The following MAST2 variants were observed in gnomAD, a reference collection of about 807,000 sequenced individuals.
MAST2 encodes microtubule-associated serine/threonine-protein kinase 2.
Under a neutral mutation model 147.4 loss-of-function variants are expected in MAST2, and 70 were observed. That is an observed-to-expected ratio of 0.47 (90% CI 0.39 to 0.58). The LOEUF (loss-of-function observed/expected upper bound fraction) is 0.58. MAST2 is among the 20% of genes least tolerant of loss of function. The pLI is 0.00. For synonymous variants in MAST2, 869 were observed against 896.8 expected (o/e 0.97, Z 0.55); for missense variants, 2,080 against 2,302.3 (o/e 0.90, Z 1.98).
intron 3 of MAST2, among the ~76,000 whole-genome samples, chr1:45,854,556 A>G (rs58618970): frequency 0.033 from 5,036 of 152,206 alleles, 279 homozygotes; most frequent in African/African-American, 0.11. Flanking sequence ...TAAATTTTAG[A>G]ATAAGCTTTT....
intron 1 of MAST2, among the ~76,000 whole-genome samples, chr1:45,819,185 A>G (rs1570212611): frequency 6.6e-6 from 1 of 151,758 alleles, no homozygotes; most frequent in East Asian, 1.9e-4. Context: ...CCCAGGAGGC[A>G]GAGGTTGCAG....
intron 5 of MAST2, among the ~76,000 whole-genome samples, chr1:45,985,809 T>G (rs1417618140): frequency 6.6e-6 from 1 of 152,260 alleles, no homozygotes; most frequent in Non-Finnish European, 1.5e-5. Context: ...TTTTCTGAAG[T>G]TCTTATGCCT....
At position 46,035,196 on chromosome 1, in the gene MAST2, G is replaced by A; in HGVS notation, c.4527G>A (p.Glu1509=). ...REVDSSEDDT[E]EGPENSQGAQ... is the part of the protein sequence containing the mutation. ...TGGACTCCTCAGAGGACGACACCGA[G>A]GAAGGGCCTGAGAACAGCCAGGGTG... The change falls in exon 29 of 29, where the codon GAG becomes GAA. Residue 1509 remains glutamate, a synonymous_variant. Coordinates refer to ENST00000361297, the MANE Select transcript of MAST2 (RefSeq NM_015112.3). This position sits in a 1 kb window ranked among gnomAD's most constrained non-coding sequence, Gnocchi z 5.5. 6.2e-7 allele frequency: 1 copy of A among 1,614,064 alleles called. No homozygotes were observed. The highest frequency in any genetic ancestry group is 8.5e-7 in the Non-Finnish European group (1 of 1,180,026).
At chr1:45,905,898 C>A (rs1017226110) in intron 4 of MAST2, among the ~76,000 whole-genome samples, 5 of 152,030 alleles carry the variant, frequency 3.3e-5, no homozygotes, top group Non-Finnish European at 7.4e-5. Flanking sequence ...AATGTTTATA[C>A]TGTTGTACTT....
chr1:46,005,316 C>A (rs553608626), intron 7 of MAST2, among the ~76,000 whole-genome samples: 1 of 150,746 alleles, frequency 6.6e-6, no homozygotes, highest in Non-Finnish European at 1.5e-5. Context: ...GAGCCAAGAT[C>A]GTGCCATTGC....
rs749719560 is a variant in MAST2, at chr1:46,002,832, C to G, written c.696C>G (p.Ala232=). ...CTGATGGGCGGCGCTGGTCTTTGGC[C>G]TCTTTGCCCTCTTCAGGATATGGAA... ...RRTDGRRWSL[A]SLPSSGYGTN... Residue 232 remains alanine (A), a synonymous_variant, in exon 7 of 29, where the codon GCC becomes GCG. Transcript: ENST00000361297. The G allele has an allele frequency of 5.0e-6, 8 of 1,614,180 alleles. No homozygotes were observed.
Position 46,025,747 on chromosome 1 carries a change from G to T in MAST2, c.1851G>T (p.Ala617=). ...LPVDMVRLYF[A]ETVLALEYLH... is the part of the protein sequence containing the mutation. ...TGGACATGGTGCGTCTATACTTTGC[G>T]GAAACTGTGCTGGCCCTGGAGTACT... The change falls in exon 16 of 29, where the codon GCG becomes GCT. Residue 617 remains alanine, a synonymous_variant. Coordinates refer to ENST00000361297, the MANE Select transcript of MAST2 (RefSeq NM_015112.3). 6.2e-7 allele frequency: 1 copy of T among 1,614,148 alleles called. No homozygotes were observed. The highest frequency in any genetic ancestry group is 8.5e-7 in the Non-Finnish European group (1 of 1,180,028).
intron 3 of MAST2, among the ~76,000 whole-genome samples, chr1:45,860,968 C>G (rs1645962699): frequency 1.3e-5 from 2 of 152,318 alleles, no homozygotes; most frequent in African/African-American, 4.8e-5. Flanking sequence ...CCACTTAGCT[C>G]TCTGCCTTGT....
intron 3 of MAST2, among the ~76,000 whole-genome samples, chr1:45,847,975 T>C (rs2147963785): frequency 6.6e-6 from 1 of 152,240 alleles, no homozygotes; most frequent in East Asian, 1.9e-4. Flanking sequence ...CTAGTGATAG[T>C]TTAGTTGCAA....
intron 4 of MAST2, among the ~76,000 whole-genome samples, chr1:45,924,214 C>T (rs1233015277): frequency 6.6e-6 from 1 of 152,090 alleles, no homozygotes; most frequent in Non-Finnish European, 1.5e-5. Flanking sequence ...CCATTTTACC[C>T]CTGCTCATTA....
intron 5 of MAST2, among the ~76,000 whole-genome samples, chr1:45,976,633 A>G (rs1238067824): frequency 6.6e-6 from 1 of 152,192 alleles, no homozygotes; most frequent in East Asian, 1.9e-4. Flanking sequence ...GGCCATAAGA[A>G]TTTGTGAATT....
chr1:46,031,918 T>C lies in MAST2; in HGVS notation c.3188-260T>C, dbSNP rs926456634. Among the ~76,000 whole-genome samples the C allele has an allele frequency of 6.6e-6, 1 of 152,176 alleles. No individual in the cohort carries two copies. Among genetic ancestry groups the C allele is most frequent in the Admixed American group, 6.5e-5 (1 of 15,282 alleles). On this transcript the variant is annotated intron_variant, in intron 24 of 28. Coordinates refer to ENST00000361297, the MANE Select transcript of MAST2 (RefSeq NM_015112.3). The surrounding 1 kb of genome is among the most constrained non-coding windows in gnomAD (Gnocchi z 4.1). ...TGTGGATATAATAGAGGCCAGCTGA[T>C]AGGTTGTGACATTTAAATATATATG...
At chr1:45,830,920 C>T (rs1644937061) in intron 3 of MAST2, among the ~76,000 whole-genome samples, 1 of 151,222 alleles carries the variant, frequency 6.6e-6, no homozygotes, top group African/African-American at 2.4e-5. Context: ...CCTGTAGTCC[C>T]AGCTACTCAG....
intron 3 of MAST2, among the ~76,000 whole-genome samples, chr1:45,835,483 G>T (rs1267865063): frequency 1.3e-5 from 2 of 151,908 alleles, no homozygotes; most frequent in Non-Finnish European, 1.5e-5. Context: ...AACTGAATTG[G>T]GAATATTTCT....
intron 4 of MAST2, among the ~76,000 whole-genome samples, chr1:45,907,102 A>G (rs752973410): frequency 1.3e-5 from 2 of 152,222 alleles, no homozygotes; most frequent in Non-Finnish European, 2.9e-5. Context: ...TGATGTTCAC[A>G]TAATGATGAA....
rs1258489873 is a variant in MAST2, at chr1:45,854,975, C to T, written c.468+25394C>T. Among the ~76,000 whole-genome samples, 7 of 152,264 alleles carry T rather than the reference C, an allele frequency of 4.6e-5. No individual in the cohort carries two copies. In the East Asian group the frequency reaches 1.2e-3, roughly 25 times the overall value. The stretch of plus-strand genomic sequence containing the variant: ...GGTGGGAAGGAGTGTGGAGCTTCAC[C>T]CGCTCTGGGCTCACTATCCTCCAGG... On this transcript the variant is annotated intron_variant, in intron 3 of 28. Coordinates refer to ENST00000361297, the MANE Select transcript of MAST2 (RefSeq NM_015112.3).
intron 4 of MAST2, among the ~76,000 whole-genome samples, chr1:45,909,464 A>G (rs541128678): frequency 2.0e-5 from 3 of 151,718 alleles, no homozygotes; most frequent in South Asian, 4.2e-4. Context: ...TAAATATTGT[A>G]TATATAATAT....
In MAST2 at chr1:45,857,417, G is replaced by A. The variant is rs139982933; in HGVS notation, c.469-24947G>A. On this transcript the variant is annotated intron_variant, in intron 3 of 28. Transcript: ENST00000361297. ...CCTCTATAAAAAGGCCTTTCTATTT[G>A]GAAGGAATTTTACTTGATTGATTGA... Among the ~76,000 whole-genome samples, 137 of 152,206 alleles carry A rather than the reference G, an allele frequency of 9.0e-4. 1 individual carries two copies. The highest frequency in any genetic ancestry group is 3.1e-3 in the African/African-American group (130 of 41,534).
chr1:45,929,528 C>G (rs1654945083), intron 4 of MAST2, among the ~76,000 whole-genome samples: 6 of 152,282 alleles, frequency 3.9e-5, no homozygotes, highest in Admixed American at 3.9e-4. Context: ...GTTATGTAGA[C>G]TCTGGGACTC....
Sources: gnomAD v4.1 joint callset for allele counts (sites outside exome capture counted in the v4.1 genomes callset) on GRCh38, gnomAD v4.1.1 for gene constraint, Gnocchi (gnomAD v3.1) non-coding constraint, MANE v1.5 for transcripts, NCBI Gene and HGNC (gene_info 2026-07-23, HGNC 2026-07-21) for gene names.